The following PLPPR1 variants were observed in gnomAD, a reference collection of about 807,000 sequenced individuals.
The protein encoded by PLPPR1 is phospholipid phosphatase related 1.
Under a neutral mutation model 33.1 loss-of-function variants are expected in PLPPR1, and 10 were observed. The observed-to-expected ratio is 0.30, with a 90% CI of 0.19 to 0.51. The LOEUF is 0.51. Among genes scored for constraint, PLPPR1 ranks in the 20% least tolerant of loss-of-function variants. PLPPR1 has a pLI of 0.97. For missense variants in PLPPR1, 304 were observed against 408.1 expected (o/e 0.74, Z 2.20); for synonymous variants, 151 against 151.0 (o/e 1.00, Z 0.00).
intron 2 of PLPPR1, among the ~76,000 whole-genome samples, chr9:101,218,273 A>G (rs1011162245): frequency 6.6e-6 from 1 of 152,198 alleles, no homozygotes; most frequent in Non-Finnish European, 1.5e-5. Flanking sequence ...TGGAAAGAAT[A>G]AGCAATAAAG....
chr9:101,132,879 C>T (rs10760792), intron 1 of PLPPR1, among the ~76,000 whole-genome samples: 110,731 of 152,030 alleles, frequency 0.73, 40,737 homozygotes, highest in African/African-American at 0.77. Flanking sequence ...CTTAAGTGGA[C>T]TTTTTCATCC....
At chr9:101,056,639 T>C (rs1222792800) in intron 1 of PLPPR1, among the ~76,000 whole-genome samples, 1 of 151,968 alleles carries the variant, frequency 6.6e-6, no homozygotes, top group Non-Finnish European at 1.5e-5. Context: ...GAGAGTGAAA[T>C]CATCACAGAA....
intron 2 of PLPPR1, among the ~76,000 whole-genome samples, chr9:101,252,761 C>T (rs1827734461): frequency 6.6e-6 from 1 of 151,828 alleles, no homozygotes; most frequent in Non-Finnish European, 1.5e-5. Context: ...ATAAGTACTT[C>T]TGTTTAAAAC....
chr9:101,212,211 T>C (rs1040751308), intron 2 of PLPPR1, among the ~76,000 whole-genome samples: 7 of 152,204 alleles, frequency 4.6e-5, no homozygotes, highest in African/African-American at 1.7e-4. Context: ...GCCTCCCTAG[T>C]AGCTGGGATT....
intron 2 of PLPPR1, among the ~76,000 whole-genome samples, chr9:101,219,346 T>G (rs4147116): frequency 0.037 from 5,561 of 152,290 alleles, 154 homozygotes; most frequent in South Asian, 0.11. Flanking sequence ...AAGAAGCATT[T>G]AATGCTGAAA....
intron 2 of PLPPR1, among the ~76,000 whole-genome samples, chr9:101,236,668 G>A (rs1827306617): frequency 6.6e-6 from 1 of 151,068 alleles, no homozygotes; most frequent in Non-Finnish European, 1.5e-5. Flanking sequence ...GTGATATTTT[G>A]ATACATGTAT....
intron 2 of PLPPR1, among the ~76,000 whole-genome samples, chr9:101,223,074 A>G (rs2118796511): frequency 6.9e-6 from 1 of 144,352 alleles, no homozygotes; most frequent in Non-Finnish European, 1.5e-5. Flanking sequence ...GTGCTGTGGG[A>G]GACTGAGGTG....
intron 1 of PLPPR1, among the ~76,000 whole-genome samples, chr9:101,053,525 T>C (rs1474495720): frequency 6.6e-6 from 1 of 152,206 alleles, no homozygotes; most frequent in Non-Finnish European, 1.5e-5. Flanking sequence ...GGAATCTCTG[T>C]GTCCTTCAGG....
chr9:101,123,212 G>A (rs1292259289), intron 1 of PLPPR1, among the ~76,000 whole-genome samples: 2 of 150,884 alleles, frequency 1.3e-5, no homozygotes, highest in African/African-American at 4.9e-5. Context: ...ATATTGAATA[G>A]CTCTATCTAT....
chr9:101,154,684 T>C (rs2118657638), intron 1 of PLPPR1, among the ~76,000 whole-genome samples: 1 of 152,186 alleles, frequency 6.6e-6, no homozygotes, highest in African/African-American at 2.4e-5. Context: ...GCAGCACTGT[T>C]CACAATAGCA....
intron 2 of PLPPR1, among the ~76,000 whole-genome samples, chr9:101,264,359 C>A (rs2118885244): frequency 6.6e-6 from 1 of 152,234 alleles, no homozygotes; most frequent in Non-Finnish European, 1.5e-5. Context: ...AACCAATACC[C>A]TAAGCAGACA....
intron 2 of PLPPR1, among the ~76,000 whole-genome samples, chr9:101,211,467 T>C (rs550354953): frequency 6.6e-6 from 1 of 152,340 alleles, no homozygotes; most frequent in African/African-American, 2.4e-5. Flanking sequence ...TCCCATGGTG[T>C]GCATCATCCC....
intron 2 of PLPPR1, among the ~76,000 whole-genome samples, chr9:101,222,457 A>G (rs1826965164): frequency 6.6e-6 from 1 of 152,124 alleles, no homozygotes; most frequent in African/African-American, 2.4e-5. Flanking sequence ...TAAAGATGGT[A>G]TGAGGTGGGA....
intron 1 of PLPPR1, among the ~76,000 whole-genome samples, chr9:101,145,843 CA>C (rs60592500): frequency 0.21 from 27,433 of 127,996 alleles, 3,035 homozygotes; most frequent in African/African-American, 0.33. Context: ...CTATTTCTAC[CA>C]AAAAAAAAAA....
chr9:101,176,175 T>G (rs1196302821), intron 1 of PLPPR1, among the ~76,000 whole-genome samples: 2 of 152,136 alleles, frequency 1.3e-5, no homozygotes. Context: ...TAATAACCTC[T>G]TGACCCTAGT....
At chr9:101,081,392 A>G (rs1830617475) in intron 1 of PLPPR1, among the ~76,000 whole-genome samples, 1 of 152,004 alleles carries the variant, frequency 6.6e-6, no homozygotes, top group East Asian at 1.9e-4. Flanking sequence ...ATGGGGTTTT[A>G]CCATCTTGGC....
chr9:101,153,926 T>C lies in PLPPR1; in HGVS notation c.-45-31524T>C, dbSNP rs189738522. Among the ~76,000 whole-genome samples the C allele has an allele frequency of 6.8e-4, 103 of 152,260 alleles. 1 individual carries two copies. The highest frequency in any genetic ancestry group is 6.8e-3 in the Middle Eastern group (2 of 294). On this transcript the variant is annotated intron_variant, in intron 1 of 7. Coordinates refer to ENST00000374874, the MANE Select transcript of PLPPR1 (RefSeq NM_207299.2). ...TGAGAGTTTTTAGCATGAAGGGCTGTTGAATTTTGTCAAAGGCCTTTTCTG... is the reference window on the plus strand; with the variant it reads ...TGAGAGTTTTTAGCATGAAGGGCTGCTGAATTTTGTCAAAGGCCTTTTCTG...
intron 6 of PLPPR1, 58 bp from the exon 7 acceptor site, chr9:101,317,307 A>T (rs752282899): frequency 1.9e-6 from 3 of 1,559,574 alleles, no homozygotes; most frequent in Non-Finnish European, 2.6e-6. Context: ...ACCCTCACAG[A>T]TGCCAGGCAT....
At chr9:101,120,395 T>C (rs578049435) in intron 1 of PLPPR1, among the ~76,000 whole-genome samples, 2 of 152,352 alleles carry the variant, frequency 1.3e-5, no homozygotes, top group East Asian at 3.9e-4. Flanking sequence ...TGGCCAATTG[T>C]ATCTTATCAA....
Sources: gnomAD v4.1 joint callset for allele counts (sites outside exome capture counted in the v4.1 genomes callset) on GRCh38, gnomAD v4.1.1 for gene constraint, MANE v1.5 for transcripts, NCBI Gene and HGNC (gene_info 2026-07-23, HGNC 2026-07-21) for gene names.